The following DENND4A variants were observed in gnomAD, a reference collection of about 807,000 sequenced individuals.
The protein encoded by DENND4A is DENN domain containing 4A.
A neutral mutation model predicts 199.3 loss-of-function variants in DENND4A; 70 were observed. The ratio of observed to expected loss-of-function variants is 0.35; its 90% CI spans 0.29 to 0.43. DENND4A has a LOEUF of 0.43. Among genes scored for constraint, DENND4A ranks in the 20% least tolerant of loss-of-function variants. DENND4A has a pLI of 1.00. For missense variants in DENND4A, 1,723 were observed against 2,255.8 expected (o/e 0.76, Z 4.78); for synonymous variants, 686 against 766.9 (o/e 0.89, Z 1.74).
chr15:65,668,171 T>C (rs1406735642), intron 27 of DENND4A, 48 bp from the exon 28 acceptor site: 9 of 1,367,210 alleles, frequency 6.6e-6, no homozygotes, highest in South Asian at 5.8e-5. Context: ...TAGATTTACT[T>C]TACTTCATCA....
chr15:65,709,850 T>A (rs2075192975), intron 14 of DENND4A, among the ~76,000 whole-genome samples: 1 of 151,366 alleles, frequency 6.6e-6, no homozygotes, highest in Non-Finnish European at 1.5e-5. Context: ...TTCTGAGTAG[T>A]CATTAAAATC....
At chr15:65,667,396 A>C (rs2076078055) in intron 29 of DENND4A, 53 bp downstream of exon 29, 1 of 1,555,692 alleles carries the variant, frequency 6.4e-7, no homozygotes, top group Admixed American at 1.9e-5. Context: ...GAATATGCAA[A>C]CATTACAATG....
In DENND4A at chr15:65,661,660, A is replaced by T. The variant is rs1428428409; in HGVS notation, c.*191T>A. ...AAGAAGAAGAAAAAAGAAATGAGAA[A>T]CAAAGTGGCTTTCTCCCCACTTGTC... On this transcript the variant is annotated 3_prime_UTR_variant, in exon 33 of 33. Coordinates refer to ENST00000443035, the MANE Select transcript of DENND4A (RefSeq NM_001320835.1). The T allele has an allele frequency of 2.4e-6, 1 of 420,650 alleles. No individual in the cohort carries two copies. The allele number at this position is 420,650 out of a possible 1,614,324, so 26.1% of individuals were successfully genotyped here. A position where few individuals can be genotyped will look rare whatever the true frequency, so the allele number is the denominator to read the frequency against.
At chr15:65,666,686 G>A (rs1596381801) in intron 29 of DENND4A, among the ~76,000 whole-genome samples, 3 of 151,854 alleles carry the variant, frequency 2.0e-5, no homozygotes, top group Admixed American at 2.0e-4. Context: ...GGCTGAGACA[G>A]GAGGGTCACT....
chr15:65,746,706 C>T (rs1203112950), intron 4 of DENND4A, among the ~76,000 whole-genome samples: 2 of 151,590 alleles, frequency 1.3e-5, no homozygotes, highest in Non-Finnish European at 2.9e-5. Context: ...AGTAAACTCG[C>T]TAAATCAAAT....
intron 22 of DENND4A, among the ~76,000 whole-genome samples, chr15:65,695,321 G>A (rs2077107409): frequency 6.6e-6 from 1 of 152,148 alleles, no homozygotes; most frequent in Admixed American, 6.6e-5. Flanking sequence ...ATACGTAAAT[G>A]AATGAGCATG....
In DENND4A at chr15:65,720,947, TTATA is replaced by T. The variant is rs72498783; in HGVS notation, c.1588+1897_1588+1900del. Among the ~76,000 whole-genome samples, 504 of 76,260 alleles carry T rather than the reference TTATA, an allele frequency of 6.6e-3. 39 individuals carry two copies. Among genetic ancestry groups the T allele is most frequent in the African/African-American group, 0.017 (319 of 19,056 alleles). 50.0% of individuals were successfully genotyped at this position (76,260 alleles called of 152,430 possible). ...AAAGTTGAATGGGCTGTTTCATTGA[TTATA>T]TATATATATATATATATATATATAT... is the stretch of plus-strand genomic sequence containing the variant. On this transcript the variant is annotated intron_variant, in intron 12 of 32. Transcript: ENST00000443035.
At chr15:65,742,958 A>AT (rs2076298126) in intron 4 of DENND4A, among the ~76,000 whole-genome samples, 3 of 152,230 alleles carry the variant, frequency 2.0e-5, no homozygotes, top group Admixed American at 6.5e-5. Flanking sequence ...TATGAAACAC[A>AT]TTCCTTACAC....
At chr15:65,759,830 T>C (rs562874930) in intron 2 of DENND4A, among the ~76,000 whole-genome samples, 20 of 152,252 alleles carry the variant, frequency 1.3e-4, no homozygotes, top group Admixed American at 5.9e-4. Context: ...CATTAGTCTT[T>C]GAAAACAATT....
chr15:65,724,961 A>G (rs1376553759), intron 11 of DENND4A, among the ~76,000 whole-genome samples: 1 of 152,118 alleles, frequency 6.6e-6, no homozygotes, highest in African/African-American at 2.4e-5. Context: ...AAAAAAGGGC[A>G]CTCGGGATAT....
intron 1 of DENND4A, among the ~76,000 whole-genome samples, chr15:65,782,937 C>A (rs1006088320): frequency 1.1e-4 from 17 of 150,070 alleles, no homozygotes; most frequent in Non-Finnish European, 2.2e-4. Flanking sequence ...TCTGACTAAA[C>A]CTCAGGAAAT....
intron 1 of DENND4A, among the ~76,000 whole-genome samples, chr15:65,781,780 A>T (rs1396215748): frequency 6.6e-6 from 1 of 152,236 alleles, no homozygotes; most frequent in Non-Finnish European, 1.5e-5. Flanking sequence ...TAATGGGTAG[A>T]TACATGGTAA....
chr15:65,672,865 T>A (rs1170253399), intron 24 of DENND4A, among the ~76,000 whole-genome samples: 1 of 116,328 alleles, frequency 8.6e-6, no homozygotes, highest in African/African-American at 4.6e-5. Flanking sequence ...GAATGAGTAC[T>A]GGTATTTTTT....
rs2076941935 is a variant in DENND4A at position 65,690,724 on chromosome 15, T to C, written c.3870A>G (p.Ala1290=). The C allele has an allele frequency of 6.2e-7, 1 of 1,613,666 alleles. No individual in the cohort carries two copies. The highest frequency in any genetic ancestry group is 8.5e-7 in the Non-Finnish European group (1 of 1,179,784). Residue 1290 remains alanine (A), a synonymous_variant, in exon 23 of 33, where the codon GCA becomes GCG. Transcript: ENST00000443035. ...TAGGAGGCAGACTAGATCTTCTGCA[T>C]GCCTTGACCAATGGTGGACTTTTCT... ...LNKKSPPLVK[A]CRRSSLPPNS... is the part of the protein sequence containing the mutation.
chr15:65,666,073 T>G (rs550920239), intron 29 of DENND4A, among the ~76,000 whole-genome samples: 1 of 152,164 alleles, frequency 6.6e-6, no homozygotes, highest in Non-Finnish European at 1.5e-5. Context: ...ATGATTGCAA[T>G]ATGAATTTCA....
chr15:65,702,440 C>T lies in DENND4A; in HGVS notation c.2295G>A (p.Leu765=). ...TAAACCACAGTCCATAACAGTGGCGCAGTAGACACCTAGACCACATCTGAG... is the reference window on the plus strand; with the variant it reads ...TAAACCACAGTCCATAACAGTGGCGTAGTAGACACCTAGACCACATCTGAG... The part of the protein sequence containing the change: ...SIPQMWSRCL[L]RHCYGLWFIC... Residue 765 remains leucine (L), a synonymous_variant, in exon 17 of 33, where the codon CTG becomes CTA. Coordinates refer to ENST00000443035, the MANE Select transcript of DENND4A (RefSeq NM_001320835.1). 6.3e-7 allele frequency: 1 copy of T among 1,595,498 alleles called. No individual in the cohort carries two copies. Among genetic ancestry groups the T allele is most frequent in the Non-Finnish European group, 8.5e-7 (1 of 1,170,680 alleles).
chr15:65,771,084 A>T (rs2077112415), intron 1 of DENND4A: 3 of 1,264,484 alleles, frequency 2.4e-6, no homozygotes, highest in African/African-American at 1.5e-5. Flanking sequence ...TCAGTATCAG[A>T]TCTTTCCCTT....
chr15:65,771,802 G>A lies in DENND4A; in HGVS notation c.-101-10364C>T, dbSNP rs376630829. 331 of 1,613,560 alleles carry A rather than the reference G, an allele frequency of 2.1e-4. 1 individual carries two copies. The highest frequency in any genetic ancestry group is 2.5e-4 in the Non-Finnish European group (299 of 1,179,632). On this transcript the variant is annotated intron_variant, in intron 1 of 32. Coordinates refer to ENST00000443035, the MANE Select transcript of DENND4A (RefSeq NM_001320835.1). ...GTTACATGCTTGTTCTTCATTGCCCGTGAGGTCATACTGTTTTCGCTTTTC... is the reference window on the plus strand; with the variant it reads ...GTTACATGCTTGTTCTTCATTGCCCATGAGGTCATACTGTTTTCGCTTTTC...
rs924451791 is a variant in DENND4A at position 65,670,193 on chromosome 15, G to A, written c.4465-5C>T. 3 of 1,501,508 alleles carry A rather than the reference G, an allele frequency of 2.0e-6. No individual in the cohort carries two copies. Among genetic ancestry groups the A allele is most frequent in the Non-Finnish European group, 1.8e-6 (2 of 1,121,912 alleles). 93.0% of individuals were successfully genotyped at this position (1,501,508 alleles called of 1,614,324 possible). On this transcript the variant is annotated splice_polypyrimidine_tract_variant and splice_region_variant and intron_variant, in intron 25 of 32. Transcript: ENST00000443035. The stretch of plus-strand genomic sequence containing the variant: ...AGAGCAACTTGAGATGAGAACCTGT[G>A]GGAGAAGATAGCACTTTATAAAGAA...
Sources: allele counts gnomAD v4.1 joint callset (sites outside exome capture counted in the v4.1 genomes callset), GRCh38; gene constraint gnomAD v4.1.1; transcripts MANE v1.5; gene names NCBI Gene and HGNC (gene_info 2026-07-23, HGNC 2026-07-21).